The following RRAS2 variants were observed in gnomAD, a reference collection of about 807,000 sequenced individuals.
The protein encoded by RRAS2 is ras-related protein R-Ras2.
In RRAS2, 7 loss-of-function variants were observed where a neutral mutation model predicts 27.6. That is an observed-to-expected ratio of 0.25 (90% CI 0.14 to 0.48). The LOEUF (loss-of-function observed/expected upper bound fraction) is 0.48. Ranked by LOEUF, RRAS2 falls within the 20% of genes least tolerant of loss-of-function variation. The pLI is 0.99. For missense variants in RRAS2, 178 were observed against 256.2 expected (o/e 0.69, Z 2.08); for synonymous variants, 86 against 90.9 (o/e 0.95, Z 0.31).
chr11:14,326,093 T>G (rs1369307319), intron 1 of RRAS2, among the ~76,000 whole-genome samples: 1 of 152,168 alleles, frequency 6.6e-6, no homozygotes, highest in Non-Finnish European at 1.5e-5. Flanking sequence ...GAGAACTTGG[T>G]TTTTTATTCT....
intron 1 of RRAS2, among the ~76,000 whole-genome samples, chr11:14,350,638 C>G (rs1848929152): frequency 6.6e-6 from 1 of 151,942 alleles, no homozygotes; most frequent in African/African-American, 2.4e-5. Flanking sequence ...CTGAGCCACA[C>G]TGGAAGAACT....
intron 4 of RRAS2, among the ~76,000 whole-genome samples, chr11:14,283,886 GTC>G (rs1464514249): frequency 4.6e-5 from 7 of 151,980 alleles, no homozygotes; most frequent in Non-Finnish European, 1.0e-4. Context: ...TAGAGGTGGG[GTC>G]TCACTATGTT....
chr11:14,310,246 T>C (rs1039393765), intron 1 of RRAS2, among the ~76,000 whole-genome samples: 2 of 152,240 alleles, frequency 1.3e-5, no homozygotes, highest in Non-Finnish European at 2.9e-5. Context: ...AGTGGTTTTG[T>C]ACATGTTCTG....
At chr11:14,314,821 TG>T (rs1848059947) in intron 1 of RRAS2, among the ~76,000 whole-genome samples, 1 of 152,142 alleles carries the variant, frequency 6.6e-6, no homozygotes, top group Non-Finnish European at 1.5e-5. Context: ...CCAGAGTAGC[TG>T]GGACTACAGG....
Position 14,358,254 on chromosome 11 carries a change from T to C in RRAS2, c.108+509A>G. The C allele has an allele frequency of 1.0e-6, 1 of 985,448 alleles. No homozygotes were observed. Among genetic ancestry groups the C allele is most frequent in the Non-Finnish European group, 1.2e-6 (1 of 829,954 alleles). The allele number at this position is 985,448 out of a possible 1,614,324, so 61.0% of individuals were successfully genotyped here. On this transcript the variant is annotated intron_variant, in intron 1 of 5. Coordinates refer to ENST00000256196, the MANE Select transcript of RRAS2 (RefSeq NM_012250.6). This position sits in a 1 kb window ranked among gnomAD's most constrained non-coding sequence, Gnocchi z 5.1. ...AACACACACACAAAGAAATACACAG[T>C]ACTTGAAGCGGGCAGCTCCGGCTCA... is the stretch of plus-strand genomic sequence containing the variant.
intron 1 of RRAS2, among the ~76,000 whole-genome samples, chr11:14,317,920 G>A (rs1848146392): frequency 6.6e-6 from 1 of 152,182 alleles, no homozygotes; most frequent in Admixed American, 6.5e-5. Flanking sequence ...AACAGAGTGA[G>A]AGAATGTCTC....
At chr11:14,324,777 A>G (rs1848312992) in intron 1 of RRAS2, among the ~76,000 whole-genome samples, 1 of 152,222 alleles carries the variant, frequency 6.6e-6, no homozygotes, top group Non-Finnish European at 1.5e-5. Context: ...GAAATTTAGA[A>G]TGGAAATGAC....
At chr11:14,341,332 T>G (rs1335744505) in intron 1 of RRAS2, among the ~76,000 whole-genome samples, 1 of 152,200 alleles carries the variant, frequency 6.6e-6, no homozygotes. Context: ...AATAGTGTTA[T>G]GAATTCGGTG....
Position 14,358,158 on chromosome 11 carries a change from A to G in RRAS2, c.108+605T>C, listed in dbSNP as rs993764627. On this transcript the variant is annotated intron_variant, in intron 1 of 5. Coordinates refer to ENST00000256196, the MANE Select transcript of RRAS2 (RefSeq NM_012250.6). This position sits in a 1 kb window ranked among gnomAD's most constrained non-coding sequence, Gnocchi z 5.1. ...CATTTTTAACTTCCTAGAAGCCACC[A>G]TTTCCCCGGGGCATTATCACACACT... 1.1e-6 allele frequency: 1 copy of G among 925,894 alleles called. No individual in the cohort carries two copies. The highest frequency in any genetic ancestry group is 5.0e-5 in the South Asian group (1 of 20,146). The allele number at this position is 925,894 out of a possible 1,614,324, so 57.4% of individuals were successfully genotyped here.
upstream of RRAS2, among the ~76,000 whole-genome samples, chr11:14,360,988 C>G (rs1394230570): frequency 6.6e-6 from 1 of 150,772 alleles, no homozygotes; most frequent in Non-Finnish European, 1.5e-5. Context: ...ATTTGACCCA[C>G]AAAATCATGA....
intron 1 of RRAS2, among the ~76,000 whole-genome samples, chr11:14,317,212 G>A (rs1442387999): frequency 2.0e-5 from 3 of 152,296 alleles, no homozygotes; most frequent in Admixed American, 6.5e-5. Flanking sequence ...AATTCAAAAC[G>A]TATACACCTT....
Position 14,313,116 on chromosome 11 carries a change from G to A in RRAS2, c.109-17261C>T, listed in dbSNP as rs563984126. Among the ~76,000 whole-genome samples, 193 of 152,326 alleles carry A rather than the reference G, an allele frequency of 1.3e-3. 1 individual carries two copies. Among genetic ancestry groups the A allele is most frequent in the African/African-American group, 4.4e-3 (184 of 41,576 alleles). ...TAAACTTTTATGTGGAGACAAACAT[G>A]ATTCATATCAAAAGGAACTATAAAC... On this transcript the variant is annotated intron_variant, in intron 1 of 5. Transcript: ENST00000256196.
intron 1 of RRAS2, among the ~76,000 whole-genome samples, chr11:14,301,196 C>A (rs567299038): frequency 4.0e-4 from 61 of 152,296 alleles, no homozygotes; most frequent in African/African-American, 1.2e-3. Context: ...AATACTGAAT[C>A]TGGGCAACGT....
At chr11:14,329,009 G>A (rs999208697) in intron 1 of RRAS2, among the ~76,000 whole-genome samples, 20 of 58,206 alleles carry the variant, frequency 3.4e-4, no homozygotes, top group African/African-American at 7.8e-4. Flanking sequence ...GTGTGTGTGT[G>A]TGTATATATA....
intron 1 of RRAS2, among the ~76,000 whole-genome samples, chr11:14,340,518 C>G (rs373705320): frequency 6.6e-6 from 1 of 152,144 alleles, no homozygotes; most frequent in Admixed American, 6.5e-5. Flanking sequence ...AAAGTCTTAA[C>G]AGACCACAGC....
chr11:14,352,761 AGAGAGAGAGAGAGAGAGAGG>A (rs1848986807), intron 1 of RRAS2, among the ~76,000 whole-genome samples: 1 of 145,754 alleles, frequency 6.9e-6, no homozygotes, highest in Non-Finnish European at 1.5e-5. Flanking sequence ...ATATATAGAG[AGAGAGAGAGAGAGAGAGAGG>A]GAGAGAGAGA....
chr11:14,283,085 A>G (rs1296439779), intron 4 of RRAS2, among the ~76,000 whole-genome samples: 2 of 152,166 alleles, frequency 1.3e-5, no homozygotes, highest in African/African-American at 2.4e-5. Context: ...CAGGTTAACA[A>G]AGTTCTCCAC....
chr11:14,344,810 T>C (rs1237915169), intron 1 of RRAS2, among the ~76,000 whole-genome samples: 3 of 152,146 alleles, frequency 2.0e-5, no homozygotes, highest in Admixed American at 2.0e-4. Context: ...ACGGATCAAC[T>C]TCTAAAACTC....
At chr11:14,302,073 T>TACAC (rs57730782) in intron 1 of RRAS2, among the ~76,000 whole-genome samples, 1,512 of 142,450 alleles carry the variant, frequency 0.011, 23 homozygotes, top group African/African-American at 0.029. Context: ...ACCACACACA[T>TACAC]ACACACACAC....
Sources: gnomAD v4.1 joint callset for allele counts (sites outside exome capture counted in the v4.1 genomes callset) on GRCh38, gnomAD v4.1.1 for gene constraint, Gnocchi (gnomAD v3.1) non-coding constraint, MANE v1.5 for transcripts, NCBI Gene and HGNC (gene_info 2026-07-23, HGNC 2026-07-21) for gene names.